The following GAS2 variants were observed in gnomAD, a reference collection of about 807,000 sequenced individuals.
The protein encoded by GAS2 is growth arrest-specific protein 2.
GAS2 carries 20 observed loss-of-function variants against 37.5 expected under a neutral mutation model. That is an observed-to-expected ratio of 0.53 (90% CI 0.37 to 0.77). The LOEUF (loss-of-function observed/expected upper bound fraction) is 0.77, where lower values mean the gene tolerates loss of function less well. Among genes scored for constraint, GAS2 ranks in the 30% least tolerant of loss-of-function variants. The pLI, the probability that GAS2 is intolerant of heterozygous loss-of-function variation, is 0.00. For missense variants in GAS2, 336 were observed against 373.4 expected (o/e 0.90, Z 0.82); for synonymous variants, 144 against 132.2 (o/e 1.09, Z -0.61).
chr11:22,768,501 A>G (rs1035574764), intron 7 of GAS2, among the ~76,000 whole-genome samples: 4 of 152,146 alleles, frequency 2.6e-5, no homozygotes, highest in African/African-American at 9.7e-5. Flanking sequence ...ACTCTTGCCA[A>G]TTATGGAAAA....
chr11:22,661,715 G>T (rs1217899858), upstream of GAS2, among the ~76,000 whole-genome samples: 1 of 152,166 alleles, frequency 6.6e-6, no homozygotes, highest in Admixed American at 6.5e-5. Context: ...TGTTTGGGAT[G>T]TTGTGACATT....
intron 3 of GAS2, among the ~76,000 whole-genome samples, chr11:22,710,639 A>G (rs1038044816): frequency 6.6e-6 from 1 of 152,060 alleles, no homozygotes; most frequent in Non-Finnish European, 1.5e-5. Context: ...ATAATTAATA[A>G]TAATTTCTAT....
At chr11:22,652,928 G>A (rs1565067385) in intron 1 of GAS2, among the ~76,000 whole-genome samples, 1 of 143,302 alleles carries the variant, frequency 7.0e-6, no homozygotes, top group African/African-American at 2.7e-5. Context: ...GTTCCTATTC[G>A]GCCATCTTGG....
chr11:22,682,409 A>T (rs2928340), intron 2 of GAS2, among the ~76,000 whole-genome samples: 15,444 of 152,240 alleles, frequency 0.1, 789 homozygotes, highest in South Asian at 0.14. Context: ...ATAAGAATAC[A>T]TAAAGATCTA....
At chr11:22,768,767 G>T (rs1281442598) in intron 7 of GAS2, among the ~76,000 whole-genome samples, 1 of 152,022 alleles carries the variant, frequency 6.6e-6, no homozygotes, top group Non-Finnish European at 1.5e-5. Flanking sequence ...CTAAAGTCTG[G>T]CTTCATAGAC....
intron 3 of GAS2, among the ~76,000 whole-genome samples, chr11:22,710,701 C>A (rs1851362513): frequency 6.6e-6 from 1 of 152,046 alleles, no homozygotes; most frequent in African/African-American, 2.4e-5. Context: ...CAAGCTCCTT[C>A]CTCTTTCTGA....
At chr11:22,719,887 C>T (rs337439) in intron 3 of GAS2, among the ~76,000 whole-genome samples, 27,975 of 151,956 alleles carry the variant, frequency 0.18, 2,842 homozygotes, top group East Asian at 0.43. Context: ...TTGTTTCCAA[C>T]GAACAGAACT....
In GAS2 at chr11:22,630,574, G is replaced by A. The variant is rs1488378275; in HGVS notation, c.-21+4761G>A. On this transcript the variant is annotated intron_variant, in intron 1 of 5. Transcript: ENST00000528582. ...TCATCTGACAAAGGGCTAATATCCA[G>A]AATCTACAAAGAACTCCCCACACCA... Among the ~76,000 whole-genome samples, 3 of 152,136 alleles carry A rather than the reference G, an allele frequency of 2.0e-5. No homozygotes were observed. The South Asian group carries it at 6.2e-4, about 31-fold the overall frequency.
intron 3 of GAS2, among the ~76,000 whole-genome samples, chr11:22,712,671 G>C (rs1311492298): frequency 6.6e-6 from 1 of 152,134 alleles, no homozygotes; most frequent in East Asian, 1.9e-4. Flanking sequence ...GATCATACTA[G>C]CTGTCCAGCA....
rs1854018101 is a variant in GAS2 at position 22,756,052 on chromosome 11, C to T, written c.723+99C>T. 3 of 775,268 alleles carry T rather than the reference C, an allele frequency of 3.9e-6. No individual in the cohort carries two copies. The East Asian group carries it at 8.1e-5, about 21-fold the overall frequency. The allele number at this position is 775,268 out of a possible 1,614,324, so 48.0% of individuals were successfully genotyped here. A position where few individuals can be genotyped will look rare whatever the true frequency, so the allele number is the denominator to read the frequency against. ...TAAGAGCAGGAACTTCCATATGGTG[C>T]TTACGTTTAAAGATACATGGTATGA... is the stretch of plus-strand genomic sequence containing the variant. On this transcript the variant is annotated intron_variant, in intron 7 of 7. Coordinates refer to ENST00000454584, the MANE Select transcript of GAS2 (RefSeq NM_001143830.3).
At chr11:22,689,830 T>G (rs1305340205) in intron 3 of GAS2, among the ~76,000 whole-genome samples, 1 of 152,218 alleles carries the variant, frequency 6.6e-6, no homozygotes, top group Non-Finnish European at 1.5e-5. Context: ...GTGTGTACAC[T>G]CATGTGTTCA....
At chr11:22,715,460 C>CAAAAAAAAAAAAAAAAAAAAAAAAAAAA (rs1192862614) in intron 3 of GAS2, among the ~76,000 whole-genome samples, 5 of 41,752 alleles carry the variant, frequency 1.2e-4, no homozygotes, top group Admixed American at 4.3e-4. Flanking sequence ...GACTCTGTCT[C>CAAAAAAAAAAAAAAAAAAAAAAAAAAAA]AAAAAAAAAA....
At chr11:22,805,240 A>T (rs551843470) in intron 7 of GAS2, among the ~76,000 whole-genome samples, 1 of 152,250 alleles carries the variant, frequency 6.6e-6, no homozygotes, top group East Asian at 1.9e-4. Flanking sequence ...TATTTGTTTA[A>T]ATTGACAGAT....
At chr11:22,694,501 C>T (rs1362330302) in intron 3 of GAS2, among the ~76,000 whole-genome samples, 5 of 152,104 alleles carry the variant, frequency 3.3e-5, no homozygotes, top group African/African-American at 1.2e-4. Context: ...AAAATAGAGC[C>T]ACTTGGGTCC....
chr11:22,679,553 T>G (rs1467578543), intron 2 of GAS2, among the ~76,000 whole-genome samples: 1 of 152,076 alleles, frequency 6.6e-6, no homozygotes, highest in Non-Finnish European at 1.5e-5. Context: ...CTTTTATAAT[T>G]ATTGATGGAC....
chr11:22,737,665 C>G, intron 4 of GAS2, 40 bp from the exon 5 acceptor site: 1 of 1,598,720 alleles, frequency 6.3e-7, no homozygotes, highest in Non-Finnish European at 8.6e-7. Flanking sequence ...CTGCTTATTC[C>G]TTCTATTGTA....
chr11:22,739,571 T>C (rs184245300), intron 5 of GAS2, among the ~76,000 whole-genome samples: 174 of 13,304 alleles, frequency 0.013, 4 homozygotes, highest in African/African-American at 0.033. Flanking sequence ...AGATTCGCTC[T>C]CAAAAAAAAA....
chr11:22,773,455 G>A (rs938988461), intron 7 of GAS2, among the ~76,000 whole-genome samples: 1 of 130,798 alleles, frequency 7.6e-6, no homozygotes, highest in Non-Finnish European at 1.5e-5. Context: ...GTGCAGTGGT[G>A]TGATCTCGGC....
chr11:22,799,133 A>G (rs1413581589), intron 7 of GAS2, among the ~76,000 whole-genome samples: 1 of 152,082 alleles, frequency 6.6e-6, no homozygotes, highest in African/African-American at 2.4e-5. Flanking sequence ...GGTTGTCTCT[A>G]CTAGGCAGTT....
Sources: allele counts gnomAD v4.1 joint callset (sites outside exome capture counted in the v4.1 genomes callset), GRCh38; gene constraint gnomAD v4.1.1; transcripts MANE v1.5; gene names NCBI Gene and HGNC (gene_info 2026-07-23, HGNC 2026-07-21).